The following ELMO1 variants were observed in gnomAD, a reference collection of about 807,000 sequenced individuals.
ELMO1 encodes engulfment and cell motility protein 1.
ELMO1 carries 26 observed loss-of-function variants against 98.9 expected under a neutral mutation model. That is an observed-to-expected ratio of 0.26 (90% CI 0.19 to 0.36). The LOEUF is 0.36. Ranked by LOEUF, ELMO1 falls within the 10% of genes least tolerant of loss-of-function variation. The probability of loss-of-function intolerance (pLI) is 1.00; values close to 1 mark genes in which losing one functional copy is unlikely to be tolerated. For synonymous variants in ELMO1, 346 were observed against 346.0 expected, an observed-to-expected ratio of 1.00 and a Z score of 0.00; for missense variants, 627 against 935.2, an observed-to-expected ratio of 0.67 and a Z score of 4.30.
chr7:37,275,684 T>A (rs926895358), intron 4 of ELMO1, among the ~76,000 whole-genome samples: 1 of 152,226 alleles, frequency 6.6e-6, no homozygotes, highest in East Asian at 1.9e-4. Context: ...GCCTTCTCAA[T>A]CAACAATTAC....
rs1562896726 is a variant in ELMO1 at position 37,013,450 on chromosome 7, TG to T, written c.1301-16del. ...GGTCTCACTAGCTGGAGGAAAGAGA[TG>T]GAAAATAAGAGAAAAAGTTTTAAAA... On this transcript the variant is annotated splice_polypyrimidine_tract_variant and intron_variant, in intron 15 of 21. Transcript: ENST00000310758. 6.2e-7 allele frequency: 1 copy of T among 1,612,870 alleles called. No individual in the cohort carries two copies. The highest frequency in any genetic ancestry group is 1.3e-5 in the African/African-American group (1 of 74,894).
chr7:37,058,501 G>A (rs929040095), intron 15 of ELMO1, among the ~76,000 whole-genome samples: 7 of 152,086 alleles, frequency 4.6e-5, no homozygotes, highest in Non-Finnish European at 1.0e-4. Flanking sequence ...AACCAGAAGT[G>A]GGCAGAGAAG....
At chr7:37,265,591 G>A (rs1796198034) in intron 5 of ELMO1, among the ~76,000 whole-genome samples, 1 of 151,996 alleles carries the variant, frequency 6.6e-6, no homozygotes, top group African/African-American at 2.4e-5. Flanking sequence ...TCTCCACCAT[G>A]CTATTAATAC....
chr7:36,993,523 A>G (rs1050627602), intron 16 of ELMO1, among the ~76,000 whole-genome samples: 4 of 152,212 alleles, frequency 2.6e-5, no homozygotes, highest in Non-Finnish European at 1.5e-5. Context: ...AATACTTCCA[A>G]TCAAAGGAAG....
intron 15 of ELMO1, among the ~76,000 whole-genome samples, chr7:37,040,800 G>T (rs1795461445): frequency 6.6e-6 from 1 of 152,130 alleles, no homozygotes; most frequent in South Asian, 2.1e-4. Flanking sequence ...TATGGGGCTG[G>T]GCGTGGCAGC....
intron 5 of ELMO1, among the ~76,000 whole-genome samples, chr7:37,263,058 C>T (rs549030673): frequency 1.3e-5 from 2 of 152,258 alleles, no homozygotes; most frequent in South Asian, 4.1e-4. Context: ...CCTTTTAATG[C>T]AATATTTTTC....
intron 15 of ELMO1, among the ~76,000 whole-genome samples, chr7:37,025,558 A>C (rs1472024586): frequency 6.6e-6 from 1 of 152,170 alleles, no homozygotes; most frequent in Non-Finnish European, 1.5e-5. Context: ...ATAGAACAAA[A>C]AGGTGGAGGA....
chr7:37,217,531 G>A (rs949327102), intron 10 of ELMO1, among the ~76,000 whole-genome samples: 4 of 151,674 alleles, frequency 2.6e-5, no homozygotes, highest in Admixed American at 1.3e-4. Flanking sequence ...ACTAAGCCAC[G>A]GTTTAAAAAC....
chr7:37,296,576 C>A (rs932237950), intron 4 of ELMO1, among the ~76,000 whole-genome samples: 3 of 152,102 alleles, frequency 2.0e-5, no homozygotes, highest in African/African-American at 4.8e-5. Flanking sequence ...ATTCACAGAC[C>A]CAGATCACAT....
chr7:37,026,882 G>A (rs758616269), intron 15 of ELMO1, among the ~76,000 whole-genome samples: 20 of 152,230 alleles, frequency 1.3e-4, no homozygotes, highest in Non-Finnish European at 2.5e-4. Context: ...CATCCTTCAC[G>A]GCTCTCACAT....
intron 13 of ELMO1, chr7:37,204,329 C>A: frequency 2.3e-6 from 1 of 427,050 alleles, no homozygotes; most frequent in Non-Finnish European, 4.7e-6. Context: ...CTGGTGGGTT[C>A]GTGGTCTCGC....
At chr7:37,278,266 T>C (rs1796960170) in intron 4 of ELMO1, among the ~76,000 whole-genome samples, 1 of 152,022 alleles carries the variant, frequency 6.6e-6, no homozygotes, top group African/African-American at 2.4e-5. Flanking sequence ...GTGATGAAAG[T>C]CTATAATCAC....
intron 4 of ELMO1, among the ~76,000 whole-genome samples, chr7:37,284,316 A>G (rs1483378678): frequency 6.6e-6 from 1 of 152,186 alleles, no homozygotes; most frequent in African/African-American, 2.4e-5. Context: ...AAACATTTAC[A>G]GCTTTTGAGC....
intron 16 of ELMO1, among the ~76,000 whole-genome samples, chr7:36,951,066 A>AC (rs1012506821): frequency 3.3e-5 from 5 of 152,290 alleles, no homozygotes; most frequent in African/African-American, 1.2e-4. Flanking sequence ...TCTCACAAGT[A>AC]CCTTCTTACC....
At chr7:37,264,814 G>A (rs143749383) in intron 5 of ELMO1, among the ~76,000 whole-genome samples, 26 of 152,270 alleles carry the variant, frequency 1.7e-4, no homozygotes, top group African/African-American at 6.0e-4. Flanking sequence ...GTGTGTGTGT[G>A]TCAAGCATTT....
intron 13 of ELMO1, among the ~76,000 whole-genome samples, chr7:37,167,051 G>C (rs1789757532): frequency 6.6e-6 from 1 of 152,132 alleles, no homozygotes; most frequent in Non-Finnish European, 1.5e-5. Flanking sequence ...ATTTAGGATA[G>C]TTAGCTCTTC....
rs552094160 is a variant in ELMO1, at chr7:36,908,920, A to G, written c.1438-13903T>C. ...CATGGGCACAGTGCTCTAAGCTTGG[A>G]ATCTTTAAACTCATTACATTGTCAC... is the stretch of plus-strand genomic sequence containing the variant. On this transcript the variant is annotated intron_variant, in intron 16 of 21. Transcript: ENST00000310758. Among the ~76,000 whole-genome samples, 33 of 152,302 alleles carry G rather than the reference A, an allele frequency of 2.2e-4. No individual in the cohort carries two copies. The South Asian group carries it at 6.8e-3, about 32-fold the overall frequency.
In ELMO1 at chr7:36,999,840, G is replaced by C. The variant is rs1000159203; in HGVS notation, c.1437+13459C>G. Among the ~76,000 whole-genome samples the C allele has an allele frequency of 1.8e-4, 28 of 152,268 alleles. 1 individual carries two copies. The highest frequency in any genetic ancestry group is 6.7e-4 in the African/African-American group (28 of 41,560). ...TTCTCAGCCATGCAGGGGAGCAAAG[G>C]CTGAGGCTGCATCTGTGGCAGCTTC... is the stretch of plus-strand genomic sequence containing the variant. On this transcript the variant is annotated intron_variant, in intron 16 of 21. Coordinates refer to ENST00000310758, the MANE Select transcript of ELMO1 (RefSeq NM_014800.11).
chr7:37,402,886 G>C (rs1803593869), intron 1 of ELMO1, among the ~76,000 whole-genome samples: 1 of 152,132 alleles, frequency 6.6e-6, no homozygotes, highest in Non-Finnish European at 1.5e-5. Flanking sequence ...AGATAGTTTG[G>C]TACCTTCTTA....
Sources: allele counts gnomAD v4.1 joint callset (sites outside exome capture counted in the v4.1 genomes callset), GRCh38; gene constraint gnomAD v4.1.1; transcripts MANE v1.5; gene names NCBI Gene and HGNC (gene_info 2026-07-23, HGNC 2026-07-21).